Variants in SH3RF1 observed in about 807,000 individuals in gnomAD.
The protein encoded by SH3RF1 is E3 ubiquitin-protein ligase SH3RF1.
A neutral mutation model predicts 74.0 loss-of-function variants in SH3RF1; 32 were observed. The ratio of observed to expected loss-of-function variants is 0.43; its 90% CI spans 0.33 to 0.58. The LOEUF is 0.58. Ranked by LOEUF, SH3RF1 falls within the 20% of genes least tolerant of loss-of-function variation. The pLI, the probability that SH3RF1 is intolerant of heterozygous loss-of-function variation, is 0.05. For missense variants in SH3RF1, 954 were observed against 1,130.9 expected (o/e 0.84, Z 2.24); for synonymous variants, 396 against 439.6 (o/e 0.90, Z 1.24).
In SH3RF1 at chr4:169,122,153, C is replaced by T. The variant is rs1417647728; in HGVS notation, c.1293G>A (p.Met431Ile). 1.2e-6 allele frequency: 2 copies of T among 1,613,294 alleles called. No individual in the cohort carries two copies. Among genetic ancestry groups the T allele is most frequent in the East Asian group, 2.2e-5 (1 of 44,890 alleles). Residue 431 changes from methionine (M) to isoleucine (I), a missense_variant, in exon 7 of 12, where the codon ATG (methionine) becomes ATA (isoleucine). By Grantham distance (10) the Met-to-Ile change is conservative. This residue lies in a region of SH3RF1 where 854 missense variants were observed against 962.5 expected (regional missense o/e 0.89). Coordinates refer to ENST00000284637, the MANE Select transcript of SH3RF1 (RefSeq NM_020870.4). Reference protein sequence around the residue: ...AAAAGMGPRPMAGSTDQIAHL... With the variant: ...AAAAGMGPRPIAGSTDQIAHL... The stretch of plus-strand genomic sequence containing the variant: ...GTGCAATCTGGTCAGTGGATCCTGC[C>T]ATGGGCCTCGGTCCCATTCCAGCAG...
intron 2 of SH3RF1, among the ~76,000 whole-genome samples, chr4:169,226,272 T>C (rs1667742827): frequency 1.3e-5 from 2 of 152,182 alleles, no homozygotes; most frequent in African/African-American, 4.8e-5. Context: ...GTTTCTGAAA[T>C]TAATTTAAAC....
intron 2 of SH3RF1, among the ~76,000 whole-genome samples, chr4:169,238,214 A>G (rs1730850020): frequency 1.3e-5 from 2 of 152,166 alleles, no homozygotes; most frequent in African/African-American, 4.8e-5. Flanking sequence ...TTTTCCTTTA[A>G]CATATCCAAG....
intron 4 of SH3RF1, among the ~76,000 whole-genome samples, chr4:169,150,152 G>C (rs1195076269): frequency 1.3e-5 from 2 of 152,142 alleles, no homozygotes; most frequent in Non-Finnish European, 2.9e-5. Flanking sequence ...TCTAGAAAGT[G>C]AATACAACTA....
At chr4:169,142,144 T>C (rs1265442836) in intron 4 of SH3RF1, among the ~76,000 whole-genome samples, 1 of 151,704 alleles carries the variant, frequency 6.6e-6, no homozygotes, top group Non-Finnish European at 1.5e-5. Context: ...TTAGTAGAGA[T>C]GGGGTTTCAC....
At chr4:169,163,675 C>T (rs1307455302) in intron 2 of SH3RF1, among the ~76,000 whole-genome samples, 1 of 152,112 alleles carries the variant, frequency 6.6e-6, no homozygotes, top group East Asian at 1.9e-4. Flanking sequence ...TTTTATGGCC[C>T]TCCATTTGGA....
At chr4:169,153,100 G>A (rs1452225821) in intron 4 of SH3RF1, among the ~76,000 whole-genome samples, 5 of 152,090 alleles carry the variant, frequency 3.3e-5, no homozygotes, top group African/African-American at 1.2e-4. Flanking sequence ...TACCTAAGTC[G>A]GCCAGCAGGA....
At chr4:169,246,478 T>A (rs913860804) in intron 2 of SH3RF1, among the ~76,000 whole-genome samples, 4 of 152,212 alleles carry the variant, frequency 2.6e-5, no homozygotes, top group Non-Finnish European at 4.4e-5. Context: ...GAAGAGGTCA[T>A]GCTTAATGGC....
rs754338198 is a variant in SH3RF1 at position 169,268,874 on chromosome 4, C to T, written c.339G>A (p.Gln113=). The T allele has an allele frequency of 1.2e-6, 2 of 1,612,446 alleles. No homozygotes were observed. The highest frequency in any genetic ancestry group is 1.3e-5 in the African/African-American group (1 of 75,020). ...TVANCSSKDL[Q]SSQGGQQPRV... is the part of the protein sequence containing the mutation. The stretch of plus-strand genomic sequence containing the variant: ...GAGGCTGCTGTCCGCCCTGGGAGCT[C>T]TGCAGATCTTTTGAGCTACAATTAG... The change falls in exon 2 of 12, where the codon CAG becomes CAA. Residue 113 remains glutamine (Q), a synonymous_variant. Coordinates refer to ENST00000284637, the MANE Select transcript of SH3RF1 (RefSeq NM_020870.4).
At chr4:169,145,806 TATATTC>T (rs1383368101) in intron 4 of SH3RF1, among the ~76,000 whole-genome samples, 2 of 136,694 alleles carry the variant, frequency 1.5e-5, no homozygotes, top group African/African-American at 5.7e-5. Flanking sequence ...ATATAAAATA[TATATTC>T]TATATATTAT....
intron 3 of SH3RF1, among the ~76,000 whole-genome samples, 167 bp from the exon 4 acceptor site, chr4:169,155,742 G>A (rs778911086): frequency 5.3e-5 from 8 of 152,076 alleles, no homozygotes; most frequent in African/African-American, 1.4e-4. Context: ...TGAATTAAAC[G>A]GTAGCTACCA....
chr4:169,218,359 T>A (rs28489393), intron 2 of SH3RF1, among the ~76,000 whole-genome samples: 1 of 141,290 alleles, frequency 7.1e-6, no homozygotes, highest in South Asian at 2.1e-4. Flanking sequence ...AAATATATAT[T>A]ATATAATATA....
chr4:169,148,596 A>G (rs1733929280), intron 4 of SH3RF1, among the ~76,000 whole-genome samples: 2 of 152,230 alleles, frequency 1.3e-5, no homozygotes, highest in African/African-American at 4.8e-5. Context: ...TACATAAGAT[A>G]TGGCTCTAAG....
intron 2 of SH3RF1, among the ~76,000 whole-genome samples, chr4:169,240,237 C>T (rs762646386): frequency 5.3e-5 from 8 of 151,660 alleles, no homozygotes; most frequent in African/African-American, 1.2e-4. Flanking sequence ...CACTCTGGCA[C>T]GCAGGCTGGA....
At chr4:169,211,063 G>C (rs1402054476) in intron 2 of SH3RF1, among the ~76,000 whole-genome samples, 1 of 152,068 alleles carries the variant, frequency 6.6e-6, no homozygotes, top group Non-Finnish European at 1.5e-5. Context: ...TATTTTTATA[G>C]AACAATGCAA....
chr4:169,200,053 C>T (rs561298713), intron 2 of SH3RF1, among the ~76,000 whole-genome samples: 1 of 151,320 alleles, frequency 6.6e-6, no homozygotes, highest in South Asian at 2.1e-4. Flanking sequence ...TGGACTCCAT[C>T]CAAAAAAAAG....
Position 169,136,402 on chromosome 4 carries a change from G to T in SH3RF1, c.984C>A (p.Pro328=). Residue 328 remains proline, a synonymous_variant, in exon 5 of 12, where the codon CCC becomes CCA. Coordinates refer to ENST00000284637, the MANE Select transcript of SH3RF1 (RefSeq NM_020870.4). The part of the protein sequence containing the change: ...SQNRHSMEIS[P]PVLISSSNPT... ...GGTTGCTGGAGCTGATGAGGACAGG[G>T]GGGCTGATCTCCATGGAGTGGCGGT... The T allele has an allele frequency of 6.2e-7, 1 of 1,605,458 alleles. No homozygotes were observed. Among genetic ancestry groups the T allele is most frequent in the Non-Finnish European group, 8.5e-7 (1 of 1,175,966 alleles).
intron 4 of SH3RF1, among the ~76,000 whole-genome samples, chr4:169,151,356 T>C (rs962483223): frequency 6.6e-6 from 1 of 152,222 alleles, no homozygotes; most frequent in Non-Finnish European, 1.5e-5. Context: ...ATCACTGACA[T>C]TGCTCTTGCT....
At chr4:169,180,718 ATTATAT>A (rs1030623413) in intron 2 of SH3RF1, among the ~76,000 whole-genome samples, 22 of 152,330 alleles carry the variant, frequency 1.4e-4, no homozygotes, top group South Asian at 4.1e-4. Context: ...GTTAAAAAAA[ATTATAT>A]TTATATCAGA....
intron 2 of SH3RF1, among the ~76,000 whole-genome samples, chr4:169,239,911 C>A (rs1251918170): frequency 6.6e-6 from 1 of 152,090 alleles, no homozygotes; most frequent in East Asian, 1.9e-4. Flanking sequence ...ATACTCCCAG[C>A]TACTTGGGAG....
Sources: allele counts gnomAD v4.1 joint callset (sites outside exome capture counted in the v4.1 genomes callset), GRCh38; gene constraint gnomAD v4.1.1; regional missense constraint gnomAD v4.1.1; transcripts MANE v1.5; gene names NCBI Gene and HGNC (gene_info 2026-07-23, HGNC 2026-07-21).